PPARGC1A: variants seen among roughly 807,000 people sequenced by gnomAD.
The protein encoded by PPARGC1A is PPARG coactivator 1 alpha, also known as peroxisome proliferator-activated receptor gamma coactivator 1-alpha.
Under a neutral mutation model 88.7 loss-of-function variants are expected in PPARGC1A, and 25 were observed. That is an observed-to-expected ratio of 0.28 (90% CI 0.21 to 0.39). PPARGC1A has a LOEUF of 0.39. PPARGC1A is among the 10% of genes least tolerant of loss of function. The pLI, the probability that PPARGC1A is intolerant of heterozygous loss-of-function variation, is 1.00. For missense variants in PPARGC1A, 880 were observed against 968.7 expected, an observed-to-expected ratio of 0.91 and a Z score of 1.22; for synonymous variants, 363 against 355.6, an observed-to-expected ratio of 1.02 and a Z score of -0.24.
the PPARGC1A span, among the ~76,000 whole-genome samples, chr4:24,186,846 A>T: frequency 1.4e-4 from 21 of 152,312 alleles, no homozygotes; most frequent in Admixed American, 9.1e-4. Flanking sequence ...TAAAAAATTA[A>T]AAATAAAATT....
At chr4:24,035,260 C>G in the PPARGC1A span, among the ~76,000 whole-genome samples, 1 of 152,058 alleles carries the variant, frequency 6.6e-6, no homozygotes, top group Non-Finnish European at 1.5e-5. Context: ...AAACTTTGGA[C>G]CAGGTGTGGT....
the PPARGC1A span, among the ~76,000 whole-genome samples, chr4:23,980,676 G>A: frequency 6.6e-6 from 1 of 152,112 alleles, no homozygotes; most frequent in Non-Finnish European, 1.5e-5. Flanking sequence ...CAGCTCAGCG[G>A]GGACCCAAGG....
chr4:23,977,665 G>C, the PPARGC1A span, among the ~76,000 whole-genome samples: 1 of 152,152 alleles, frequency 6.6e-6, no homozygotes, highest in Non-Finnish European at 1.5e-5. Context: ...TGTCCTGCAC[G>C]TGTATCCTGG....
the PPARGC1A span, among the ~76,000 whole-genome samples, chr4:24,428,680 T>A: frequency 6.6e-6 from 1 of 151,686 alleles, no homozygotes; most frequent in African/African-American, 2.4e-5. Flanking sequence ...GAGTGGCTGG[T>A]ACATCTTCTA....
At chr4:24,021,595 A>C in the PPARGC1A span, among the ~76,000 whole-genome samples, 1 of 152,150 alleles carries the variant, frequency 6.6e-6, no homozygotes, top group South Asian at 2.1e-4. Context: ...TAAGTATAAC[A>C]TGTACCTGTT....
the PPARGC1A span, among the ~76,000 whole-genome samples, chr4:24,139,294 G>A: frequency 2.0e-5 from 3 of 151,898 alleles, no homozygotes; most frequent in Non-Finnish European, 2.9e-5. Context: ...CCACACGCCC[G>A]GCTAATTTTT....
chr4:24,268,130 C>G, the PPARGC1A span, among the ~76,000 whole-genome samples: 2 of 152,180 alleles, frequency 1.3e-5, no homozygotes, highest in Non-Finnish European at 2.9e-5. Flanking sequence ...TGGCATGGAT[C>G]CATGTCATGG....
chr4:23,887,945 C>G (rs116438231), intron 1 of PPARGC1A, among the ~76,000 whole-genome samples: 1 of 152,206 alleles, frequency 6.6e-6, no homozygotes, highest in African/African-American at 2.4e-5. Context: ...CTGTATATCA[C>G]CTTCATTAAA....
the PPARGC1A span, among the ~76,000 whole-genome samples, chr4:24,118,763 C>T: frequency 1.1e-4 from 16 of 152,212 alleles, no homozygotes; most frequent in Non-Finnish European, 1.9e-4. Context: ...AACATATACA[C>T]ATGGGATATT....
chr4:23,863,229 A>T (rs948364480), intron 2 of PPARGC1A, among the ~76,000 whole-genome samples: 1 of 152,076 alleles, frequency 6.6e-6, no homozygotes, highest in Non-Finnish European at 1.5e-5. Context: ...CAAGCCTGAA[A>T]ACCTCAACAG....
chr4:24,400,804 C>T, the PPARGC1A span, among the ~76,000 whole-genome samples: 5 of 151,926 alleles, frequency 3.3e-5, no homozygotes, highest in South Asian at 4.1e-4. Context: ...AAAATGGTGA[C>T]GAAGATGGTG....
the PPARGC1A span, among the ~76,000 whole-genome samples, chr4:24,240,071 T>C: frequency 6.6e-6 from 1 of 152,162 alleles, no homozygotes; most frequent in Non-Finnish European, 1.5e-5. Flanking sequence ...ATGCTTTGTA[T>C]AAATGGAAAG....
the PPARGC1A span, among the ~76,000 whole-genome samples, chr4:24,334,099 G>A: frequency 6.6e-6 from 1 of 152,060 alleles, no homozygotes; most frequent in African/African-American, 2.4e-5. Flanking sequence ...AGTTTTAGGA[G>A]TTCTGGGGTA....
At chr4:24,051,691 G>A in the PPARGC1A span, among the ~76,000 whole-genome samples, 7 of 152,166 alleles carry the variant, frequency 4.6e-5, no homozygotes, top group South Asian at 1.0e-3. Flanking sequence ...GTAAGTGTCC[G>A]GCATGCATGT....
the PPARGC1A span, among the ~76,000 whole-genome samples, chr4:23,998,769 C>G: frequency 6.6e-6 from 1 of 152,176 alleles, no homozygotes; most frequent in South Asian, 2.1e-4. Flanking sequence ...TGCTTCCCTT[C>G]AGAATATAAA....
At chr4:24,452,925 C>A in the PPARGC1A span, among the ~76,000 whole-genome samples, 63 of 152,226 alleles carry the variant, frequency 4.1e-4, 1 homozygote, top group South Asian at 0.012. Context: ...TTCCTCCTAC[C>A]CCCTAAGGAA....
chr4:24,431,018 G>A, the PPARGC1A span, among the ~76,000 whole-genome samples: 17 of 151,584 alleles, frequency 1.1e-4, no homozygotes, highest in Non-Finnish European at 1.6e-4. Flanking sequence ...CCAGCTACTC[G>A]GGAGGTTGAC....
chr4:23,806,006 G>A (rs996038156), intron 10 of PPARGC1A, among the ~76,000 whole-genome samples: 20 of 152,116 alleles, frequency 1.3e-4, no homozygotes, highest in African/African-American at 4.8e-4. Context: ...ATAAACCAGA[G>A]GACCTTTTAT....
chr4:24,021,750 A>T, the PPARGC1A span, among the ~76,000 whole-genome samples: 2 of 152,230 alleles, frequency 1.3e-5, no homozygotes, highest in Non-Finnish European at 2.9e-5. Context: ...GGAAGATTAA[A>T]CAAGGCAATA....
Sources: gnomAD v4.1 joint callset for allele counts (sites outside exome capture counted in the v4.1 genomes callset) on GRCh38, gnomAD v4.1.1 for gene constraint, MANE v1.5 for transcripts, NCBI Gene and HGNC (gene_info 2026-07-23, HGNC 2026-07-21) for gene names.